PHKB: variants seen among roughly 807,000 people sequenced by gnomAD.
The protein encoded by PHKB is phosphorylase kinase regulatory subunit beta, also known as phosphorylase b kinase regulatory subunit beta.
A neutral mutation model predicts 152.1 loss-of-function variants in PHKB; 122 were observed. The observed-to-expected ratio is 0.80, with a 90% CI of 0.69 to 0.93. PHKB has a LOEUF of 0.93. Among genes scored for constraint, PHKB ranks in the 40% least tolerant of loss-of-function variants. The pLI is 0.00. For synonymous variants in PHKB, 436 were observed against 464.9 expected (o/e 0.94, Z 0.80); for missense variants, 1,304 against 1,328.4 (o/e 0.98, Z 0.29).
chr16:47,650,367 G>A (rs1032522725), intron 18 of PHKB, among the ~76,000 whole-genome samples, 177 bp from the exon 19 acceptor site: 6 of 152,290 alleles, frequency 3.9e-5, no homozygotes, highest in East Asian at 1.9e-4. Flanking sequence ...CATAACTTGC[G>A]TGTACCCAGA....
intron 7 of PHKB, 150 bp from the exon 8 acceptor site, chr16:47,580,145 T>A: frequency 1.6e-6 from 1 of 611,552 alleles, no homozygotes; most frequent in Non-Finnish European, 2.9e-6. Context: ...TAGTGAAATG[T>A]CAGAATGAGG....
intron 14 of PHKB, among the ~76,000 whole-genome samples, chr16:47,611,409 T>C (rs1355286815): frequency 1.3e-5 from 2 of 152,082 alleles, no homozygotes; most frequent in African/African-American, 2.4e-5. Context: ...ACAAAATAAG[T>C]GTTTGTAGGA....
chr16:47,619,457 T>C (rs2151714116), intron 14 of PHKB: 1 of 152,318 alleles, frequency 6.6e-6, no homozygotes, highest in Middle Eastern at 3.4e-3. Context: ...TATATCATCA[T>C]GTTAATTATT....
At chr16:47,566,783 G>A (rs540206631) in intron 7 of PHKB, 43 of 736,674 alleles carry the variant, frequency 5.8e-5, no homozygotes, top group South Asian at 5.8e-4. Context: ...GAGCCCAGCT[G>A]ACTGGTTTGG....
chr16:47,534,122 G>A (rs1174862220), intron 6 of PHKB, among the ~76,000 whole-genome samples: 1 of 152,228 alleles, frequency 6.6e-6, no homozygotes, highest in Non-Finnish European at 1.5e-5. Flanking sequence ...CCTGGCTCCC[G>A]CCAACCCCAC....
In PHKB at chr16:47,701,229, T is replaced by G. The variant is rs530716031; in HGVS notation, c.*1863T>G. On this transcript the variant is annotated 3_prime_UTR_variant, in exon 31 of 31. Coordinates refer to ENST00000323584, the MANE Select transcript of PHKB (RefSeq NM_000293.3). The stretch of plus-strand genomic sequence containing the variant: ...ACTTAAAATTTTTGTTTGCCGAAAT[T>G]TTTACGAAAGTAAACTGTGTTGTAG... 3 of 152,310 alleles carry G rather than the reference T, an allele frequency of 2.0e-5. No individual in the cohort carries two copies. Among genetic ancestry groups the G allele is most frequent in the African/African-American group, 7.2e-5 (3 of 41,576 alleles). The allele number at this position is 152,310 out of a possible 1,614,324, so 9.4% of individuals were successfully genotyped here. A position where few individuals can be genotyped will look rare whatever the true frequency, so the allele number is the denominator to read the frequency against.
intron 11 of PHKB, 134 bp from the exon 12 acceptor site, chr16:47,594,002 TC>T: frequency 1.6e-6 from 1 of 616,738 alleles, no homozygotes; most frequent in South Asian, 2.0e-5. Context: ...GCATTTTTTT[TC>T]CACTTTAATT....
Position 47,471,425 on chromosome 16 carries a change from CTCTG to C in PHKB, c.76+10005_76+10008del, listed in dbSNP as rs200707034. On this transcript the variant is annotated intron_variant, in intron 1 of 30. Coordinates refer to ENST00000323584, the MANE Select transcript of PHKB (RefSeq NM_000293.3). Reference sequence around the variant, plus strand: ...GCTGGATTAGTATTTTATGATGATTCTCTGTCTGTTATGTAAAAATAGACTGGAA... The same window carrying C: ...GCTGGATTAGTATTTTATGATGATTCTCTGTTATGTAAAAATAGACTGGAA... Among the ~76,000 whole-genome samples, 35 of 152,228 alleles carry C rather than the reference CTCTG, an allele frequency of 2.3e-4. No homozygotes were observed. In the East Asian group the frequency reaches 6.4e-3, roughly 28 times the overall value.
At chr16:47,547,716 C>A in intron 7 of PHKB, 168 bp downstream of exon 7, 1 of 589,304 alleles carries the variant, frequency 1.7e-6, no homozygotes. Flanking sequence ...ACAAAAGAGC[C>A]CATCCTCAGT....
At chr16:47,625,523 C>G (rs984144492) in intron 14 of PHKB, among the ~76,000 whole-genome samples, 2 of 151,916 alleles carry the variant, frequency 1.3e-5, no homozygotes, top group Non-Finnish European at 2.9e-5. Context: ...ACTTCAGGGT[C>G]TCTCCTCCTC....
intron 7 of PHKB, chr16:47,566,059 C>G: frequency 1.5e-6 from 1 of 667,908 alleles, no homozygotes; most frequent in South Asian, 1.7e-5. Flanking sequence ...CTGTGGTACC[C>G]ACTGCCAAAT....
intron 7 of PHKB, among the ~76,000 whole-genome samples, chr16:47,572,229 G>T (rs1391411606): frequency 1.3e-5 from 2 of 152,212 alleles, no homozygotes; most frequent in African/African-American, 4.8e-5. Context: ...CATGAGGGCA[G>T]CGAAGCTCTC....
intron 7 of PHKB, among the ~76,000 whole-genome samples, chr16:47,571,136 G>A (rs149970595): frequency 6.6e-6 from 1 of 152,278 alleles, no homozygotes; most frequent in Admixed American, 6.5e-5. Context: ...GTGTGGGAAG[G>A]TTCACTGTCT....
intron 15 of PHKB, 76 bp downstream of exon 15, chr16:47,641,166 A>G (rs1043820228): frequency 1.2e-5 from 13 of 1,101,840 alleles, no homozygotes; most frequent in Non-Finnish European, 1.8e-5. Context: ...TATGTTTACA[A>G]TATTGATTAT....
intron 5 of PHKB, among the ~76,000 whole-genome samples, chr16:47,515,208 T>A (rs1310795019): frequency 6.6e-6 from 1 of 152,236 alleles, no homozygotes; most frequent in African/African-American, 2.4e-5. Flanking sequence ...GATATGTTCC[T>A]ATTTTTTTCA....
intron 14 of PHKB, among the ~76,000 whole-genome samples, chr16:47,629,347 T>C (rs1468779955): frequency 1.3e-5 from 2 of 151,286 alleles, no homozygotes; most frequent in Admixed American, 1.3e-4. Context: ...AACAACCCCA[T>C]CAAAAAGTGG....
chr16:47,653,720 A>T (rs901525986), intron 20 of PHKB, among the ~76,000 whole-genome samples: 3 of 152,176 alleles, frequency 2.0e-5, no homozygotes, highest in Non-Finnish European at 4.4e-5. Flanking sequence ...CCTATATGGA[A>T]AAAAAAGACC....
intron 1 of PHKB, among the ~76,000 whole-genome samples, chr16:47,465,844 G>A (rs1439834392): frequency 6.6e-6 from 1 of 152,066 alleles, no homozygotes; most frequent in Non-Finnish European, 1.5e-5. Flanking sequence ...ATCTTTATAG[G>A]CATATGTTTT....
intron 25 of PHKB, among the ~76,000 whole-genome samples, chr16:47,668,920 A>G (rs945617115): frequency 1.3e-5 from 2 of 152,198 alleles, no homozygotes; most frequent in Non-Finnish European, 2.9e-5. Context: ...GTCATTCAGA[A>G]TAATTTTAAC....
Sources: allele counts gnomAD v4.1 joint callset (sites outside exome capture counted in the v4.1 genomes callset), GRCh38; gene constraint gnomAD v4.1.1; transcripts MANE v1.5; gene names NCBI Gene and HGNC (gene_info 2026-07-23, HGNC 2026-07-21).